Variants in SCP2 observed in about 807,000 individuals in gnomAD.
The protein encoded by SCP2 is sterol carrier protein 2.
SCP2 carries 48 observed loss-of-function variants against 71.4 expected under a neutral mutation model. The observed-to-expected ratio is 0.67, with a 90% CI of 0.53 to 0.86. The LOEUF is 0.86. Ranked by LOEUF, SCP2 falls within the 40% of genes least tolerant of loss-of-function variation. The pLI, the probability that SCP2 is intolerant of heterozygous loss-of-function variation, is 0.00. For missense variants in SCP2, 560 were observed against 655.6 expected (o/e 0.85, Z 1.59); for synonymous variants, 220 against 218.1 (o/e 1.01, Z -0.08).
intron 6 of SCP2, among the ~76,000 whole-genome samples, chr1:52,971,431 A>G (rs982780168): frequency 6.6e-6 from 1 of 152,248 alleles, no homozygotes; most frequent in Non-Finnish European, 1.5e-5. Context: ...AATGTACACT[A>G]TTTTAGTGGA....
At chr1:52,989,769 C>T (rs867357989) in intron 11 of SCP2, among the ~76,000 whole-genome samples, 7 of 151,528 alleles carry the variant, frequency 4.6e-5, no homozygotes, top group Non-Finnish European at 1.0e-4. Context: ...GGGTAAACAA[C>T]AAAATAACCA....
At chr1:52,953,980 T>TA (rs1655560538) in intron 4 of SCP2, among the ~76,000 whole-genome samples, 1 of 77,460 alleles carries the variant, frequency 1.3e-5, no homozygotes. Context: ...AGACACTGTC[T>TA]CAAAAAAAAA....
chr1:53,037,693 A>G (rs1663060470), intron 13 of SCP2, among the ~76,000 whole-genome samples: 1 of 152,112 alleles, frequency 6.6e-6, no homozygotes, highest in Non-Finnish European at 1.5e-5. Context: ...ACAACAACAA[A>G]AAAGGCCTTG....
chr1:53,041,170 G>T (rs190608297), intron 14 of SCP2, among the ~76,000 whole-genome samples: 1 of 152,144 alleles, frequency 6.6e-6, no homozygotes, highest in African/African-American at 2.4e-5. Flanking sequence ...TTGGGAGGCC[G>T]AGGCGGGCGG....
intron 4 of SCP2, among the ~76,000 whole-genome samples, chr1:52,952,287 G>C (rs1299401218): frequency 6.6e-6 from 1 of 151,908 alleles, no homozygotes; most frequent in Non-Finnish European, 1.5e-5. Flanking sequence ...TCATGTTGTA[G>C]CATATATCAG....
chr1:52,994,681 A>G (rs1659794992), intron 11 of SCP2: 1 of 599,430 alleles, frequency 1.7e-6, no homozygotes, highest in South Asian at 1.6e-5. Flanking sequence ...TTCTTGCCCC[A>G]TGCATACCTT....
In SCP2 at chr1:53,027,754, C is replaced by G. The variant is rs79969290; in HGVS notation, c.1236-215C>G. ...TCCCGACTACAGGTGATCCACTCGC[C>G]TCGGCCTCCCAAAGTGCAGGGACTA... On this transcript the variant is annotated intron_variant, in intron 12 of 15. Coordinates refer to ENST00000371514, the MANE Select transcript of SCP2 (RefSeq NM_002979.5). Among the ~76,000 whole-genome samples the G allele has an allele frequency of 0.14, 20,886 of 152,218 alleles. 2,047 individuals are homozygous for G. Among genetic ancestry groups the G allele is most frequent in the East Asian group, 0.32 (1,674 of 5,164 alleles).
Position 53,050,790 on chromosome 1 carries a change from A to G in SCP2, c.*86A>G, listed in dbSNP as rs753714288. 9 of 956,502 alleles carry G rather than the reference A, an allele frequency of 9.4e-6. No individual in the cohort carries two copies. Among genetic ancestry groups the G allele is most frequent in the Non-Finnish European group, 1.5e-5 (9 of 591,530 alleles). 59.3% of individuals were successfully genotyped at this position (956,502 alleles called of 1,614,324 possible). On this transcript the variant is annotated 3_prime_UTR_variant, in exon 16 of 16. Transcript: ENST00000371514. ...TTTTATTGTCAGAATTTAGACTGAA[A>G]CTACACATTGGCAAATAGCGTGGGA...
At chr1:52,985,551 T>C (rs1658912916) in intron 10 of SCP2, among the ~76,000 whole-genome samples, 1 of 152,236 alleles carries the variant, frequency 6.6e-6, no homozygotes, top group African/African-American at 2.4e-5. Flanking sequence ...GCTTCTGCCT[T>C]GTCTCTCCAG....
intron 1 of SCP2, among the ~76,000 whole-genome samples, 195 bp downstream of exon 1, chr1:52,927,660 C>T (rs932530486): frequency 6.6e-6 from 1 of 152,198 alleles, no homozygotes; most frequent in African/African-American, 2.4e-5. Flanking sequence ...TCTGCTTCCT[C>T]CTTCCCTTTT....
intron 11 of SCP2, among the ~76,000 whole-genome samples, chr1:53,014,493 G>C: frequency 6.6e-6 from 1 of 152,170 alleles, no homozygotes; most frequent in East Asian, 1.9e-4. Context: ...TTGTTGTTGG[G>C]AACTACTTGG....
chr1:53,030,908 TAAA>T (rs59298380), intron 13 of SCP2, among the ~76,000 whole-genome samples: 75 of 75,928 alleles, frequency 9.9e-4, no homozygotes, highest in African/African-American at 2.3e-3. Flanking sequence ...TCAAAAAAAT[TAAA>T]AAAAAAAAAA....
At chr1:53,034,932 C>T (rs1158923136) in intron 13 of SCP2, among the ~76,000 whole-genome samples, 2 of 152,000 alleles carry the variant, frequency 1.3e-5, no homozygotes, top group East Asian at 1.9e-4. Flanking sequence ...GGTGAAACCC[C>T]GTCTCTACTA....
At position 52,944,315 on chromosome 1, in the gene SCP2, A is replaced by G. The variant is rs114625477; in HGVS notation, c.127+2462A>G. On this transcript the variant is annotated intron_variant, in intron 2 of 15. Coordinates refer to ENST00000371514, the MANE Select transcript of SCP2 (RefSeq NM_002979.5). ...GCATATATATTTAGATTTTGCTTCA[A>G]CTTTTTTTTTGTTTTCTTTTTTCTC... Among the ~76,000 whole-genome samples the G allele has an allele frequency of 2.9e-3, 436 of 152,196 alleles. 4 individuals carry two copies. Among genetic ancestry groups the G allele is most frequent in the African/African-American group, 9.9e-3 (410 of 41,518 alleles).
Position 52,959,441 on chromosome 1 carries a change from C to T in SCP2, c.397-2062C>T, listed in dbSNP as rs1021072559. 3.9e-5 allele frequency among the ~76,000 whole-genome samples: 6 copies of T among 152,192 alleles called. No individual in the cohort carries two copies. The East Asian group carries it at 7.7e-4, about 20-fold the overall frequency. On this transcript the variant is annotated intron_variant, in intron 5 of 15. Transcript: ENST00000371514. ...AACTCCCGACCTCAGGTGATCCACC[C>T]GCCTCGACCTCCCAAAGTGAGATTA... is the stretch of plus-strand genomic sequence containing the variant.
intron 11 of SCP2, among the ~76,000 whole-genome samples, chr1:53,007,429 C>T (rs997053236): frequency 5.9e-5 from 9 of 152,224 alleles, no homozygotes; most frequent in African/African-American, 2.2e-4. Flanking sequence ...CAAACTGTCT[C>T]TCAGACCATA....
chr1:52,946,317 C>T (rs1025345592), intron 2 of SCP2, among the ~76,000 whole-genome samples: 3 of 152,066 alleles, frequency 2.0e-5, no homozygotes, highest in Non-Finnish European at 4.4e-5. Flanking sequence ...TAGCCTTGAC[C>T]TCCAGGATTC....
At chr1:52,959,344 C>T (rs991549674) in intron 5 of SCP2, among the ~76,000 whole-genome samples, 4 of 151,592 alleles carry the variant, frequency 2.6e-5, no homozygotes, top group Admixed American at 6.6e-5. Flanking sequence ...TACGGGCATG[C>T]GCCACCACGC....
intron 14 of SCP2, among the ~76,000 whole-genome samples, chr1:53,040,628 G>A (rs1335374781): frequency 6.6e-6 from 1 of 152,146 alleles, no homozygotes; most frequent in Non-Finnish European, 1.5e-5. Flanking sequence ...GGCTGAGGCA[G>A]GAGAATGGTG....
Sources: allele counts gnomAD v4.1 joint callset (sites outside exome capture counted in the v4.1 genomes callset), GRCh38; gene constraint gnomAD v4.1.1; transcripts MANE v1.5; gene names NCBI Gene and HGNC (gene_info 2026-07-23, HGNC 2026-07-21).